Variants in RTN4R observed in about 807,000 individuals in gnomAD.
RTN4R encodes the protein reticulon 4 receptor.
A neutral mutation model predicts 27.7 loss-of-function variants in RTN4R; 4 were observed. The ratio of observed to expected loss-of-function variants is 0.14; its 90% CI spans 0.07 to 0.33. The LOEUF is 0.33. RTN4R is among the 10% of genes least tolerant of loss of function. The pLI is 1.00. For missense variants in RTN4R, 554 were observed against 671.5 expected (o/e 0.83, Z 1.93); for synonymous variants, 290 against 305.6 (o/e 0.95, Z 0.53).
intron 1 of RTN4R, among the ~76,000 whole-genome samples, chr22:20,263,208 G>A (rs2051257724): frequency 6.6e-6 from 1 of 152,238 alleles, no homozygotes; most frequent in Non-Finnish European, 1.5e-5. Context: ...TTGTGTGGCA[G>A]GGTCTACCCA....
At chr22:20,266,222 C>T (rs2051275789) in intron 1 of RTN4R, among the ~76,000 whole-genome samples, 1 of 152,216 alleles carries the variant, frequency 6.6e-6, no homozygotes, top group Non-Finnish European at 1.5e-5. Context: ...TATGTTTCAC[C>T]CTCACACAAC....
At chr22:20,262,163 C>CGA (rs1233630165) in intron 1 of RTN4R, among the ~76,000 whole-genome samples, 1 of 152,048 alleles carries the variant, frequency 6.6e-6, no homozygotes, top group Non-Finnish European at 1.5e-5. Context: ...GGGGATGGGT[C>CGA]GAGGGAAGAG....
In RTN4R at chr22:20,242,060, G is replaced by A. The variant is rs1195676261; in HGVS notation, c.1073C>T (p.Ala358Val). 4.3e-6 allele frequency: 7 copies of A among 1,612,400 alleles called. No individual in the cohort carries two copies. The highest frequency in any genetic ancestry group is 5.9e-6 in the Non-Finnish European group (7 of 1,179,856). The change falls in exon 2 of 2, where the codon GCG becomes GTG. Residue 358 changes from alanine (A) to valine (V), a missense_variant. Around this residue, in one of 2 missense-constraint regions of RTN4R, gnomAD observed 413 missense variants for 542.3 expected, o/e 0.76. Coordinates refer to ENST00000043402, the MANE Select transcript of RTN4R (RefSeq NM_023004.6). Reference sequence around the variant, plus strand: ...ACCGGGCGGCACGCGTCCCTTCAGCGCATTGCCTGCCGAAGCTGGTCTTCC... The same window carrying A: ...ACCGGGCGGCACGCGTCCCTTCAGCACATTGCCTGCCGAAGCTGGTCTTCC... ...EPGRPASAGN[A>V]LKGRVPPGDS... is the part of the protein sequence containing the mutation.
intron 1 of RTN4R, among the ~76,000 whole-genome samples, chr22:20,258,827 A>C (rs1261295626): frequency 6.6e-6 from 1 of 152,078 alleles, no homozygotes; most frequent in Non-Finnish European, 1.5e-5. Context: ...CAGTAGCAGC[A>C]CCTTCAGGTG....
chr22:20,265,020 G>A (rs1453272419), intron 1 of RTN4R, among the ~76,000 whole-genome samples: 1 of 152,198 alleles, frequency 6.6e-6, no homozygotes, highest in Non-Finnish European at 1.5e-5. Context: ...CCTTTCCCAG[G>A]TGCACAGACC....
At chr22:20,245,307 C>G (rs1360532311) in intron 1 of RTN4R, among the ~76,000 whole-genome samples, 1 of 152,250 alleles carries the variant, frequency 6.6e-6, no homozygotes, top group Non-Finnish European at 1.5e-5. Context: ...GGGCTCTCTC[C>G]TCGCTGCAGC....
In RTN4R at chr22:20,255,116, G is replaced by A. The variant is rs2051204774; in HGVS notation, c.23-12006C>T. ...CAGAGGCGACAGTGGCTGCCTCCCA[G>A]GAGGACGCGGGGCAGGGGCAGATTG... is the stretch of plus-strand genomic sequence containing the variant. On this transcript the variant is annotated intron_variant, in intron 1 of 1. Transcript: ENST00000043402. This position sits in a 1 kb window ranked among gnomAD's most constrained non-coding sequence, Gnocchi z 4.8. 6.6e-6 allele frequency among the ~76,000 whole-genome samples: 1 copy of A among 151,148 alleles called. No homozygotes were observed. Among genetic ancestry groups the A allele is most frequent in the Non-Finnish European group, 1.5e-5 (1 of 67,184 alleles).
intron 1 of RTN4R, among the ~76,000 whole-genome samples, chr22:20,256,038 C>T (rs1304341372): frequency 2.6e-5 from 4 of 152,216 alleles, no homozygotes; most frequent in South Asian, 4.1e-4. Flanking sequence ...AAACTGTTGT[C>T]GGCTTCTCAT....
intron 1 of RTN4R, among the ~76,000 whole-genome samples, chr22:20,252,158 CCAT>C (rs1474222610): frequency 6.7e-5 from 10 of 150,102 alleles, no homozygotes; most frequent in African/African-American, 2.0e-4. Context: ...ATCCCTGTCA[CCAT>C]CATCGTCTTC....
intron 1 of RTN4R, among the ~76,000 whole-genome samples, chr22:20,253,950 G>A: frequency 6.6e-6 from 1 of 152,102 alleles, no homozygotes; most frequent in Non-Finnish European, 1.5e-5. Context: ...ACAAATATAG[G>A]TTGAACATCC....
At chr22:20,246,625 G>T (rs2051142754) in intron 1 of RTN4R, among the ~76,000 whole-genome samples, 1 of 152,206 alleles carries the variant, frequency 6.6e-6, no homozygotes, top group African/African-American at 2.4e-5. Context: ...AGCCGAGCAG[G>T]GATGGCCTTC....
intron 1 of RTN4R, among the ~76,000 whole-genome samples, chr22:20,259,887 C>T (rs1398425402): frequency 6.6e-6 from 1 of 152,182 alleles, no homozygotes; most frequent in African/African-American, 2.4e-5. Context: ...CCCTGCCGCC[C>T]AGCATGGGAC....
chr22:20,249,242 C>T (rs1210469033), intron 1 of RTN4R: 1 of 531,344 alleles, frequency 1.9e-6, no homozygotes, highest in African/African-American at 1.9e-5. Flanking sequence ...GGCCGGCCTG[C>T]TCCCACCCTG....
rs772112802 is a variant in RTN4R at position 20,242,102 on chromosome 22, G to A, written c.1031C>T (p.Ala344Val). Residue 344 changes from alanine (A) to valine (V), a missense_variant, in exon 2 of 2, where the codon GCC becomes GTC. Ala to Val is a moderately conservative substitution (Grantham distance 64). Coordinates refer to ENST00000043402, the MANE Select transcript of RTN4R (RefSeq NM_023004.6). The part of the protein sequence containing the change: ...KCCQPDAADK[A>V]SVLEPGRPAS... ...TGGTCTTCCAGGCTCCAGTACTGAG[G>A]CCTTGTCAGCGGCATCTGGCTGGCA... 2 of 1,612,162 alleles carry A rather than the reference G, an allele frequency of 1.2e-6. No homozygotes were observed. Among genetic ancestry groups the A allele is most frequent in the East Asian group, 4.5e-5 (2 of 44,856 alleles).
chr22:20,247,238 G>T (rs1251152582), intron 1 of RTN4R, among the ~76,000 whole-genome samples: 5 of 152,176 alleles, frequency 3.3e-5, no homozygotes, highest in African/African-American at 1.2e-4. Flanking sequence ...CTGTAGCACA[G>T]CCGGGACATC....
chr22:20,254,789 G>A (rs2051202709), intron 1 of RTN4R, among the ~76,000 whole-genome samples: 1 of 152,014 alleles, frequency 6.6e-6, no homozygotes, highest in African/African-American at 2.4e-5. Flanking sequence ...CTTTATCCAG[G>A]GAAAAAAATG....
intron 1 of RTN4R, among the ~76,000 whole-genome samples, chr22:20,248,642 G>A (rs935190083): frequency 3.3e-5 from 5 of 152,144 alleles, no homozygotes; most frequent in African/African-American, 7.2e-5. Context: ...CCGAGGAGCC[G>A]GGTCCCAGGC....
intron 1 of RTN4R, chr22:20,243,554 C>T (rs952824595): frequency 4.2e-5 from 19 of 453,726 alleles, no homozygotes; most frequent in Non-Finnish European, 7.7e-5. Context: ...GGGCTGGGGT[C>T]CCTCTGGGCA....
intron 1 of RTN4R, among the ~76,000 whole-genome samples, chr22:20,264,110 A>C (rs12166774): frequency 0.012 from 1,789 of 152,188 alleles, 35 homozygotes; most frequent in African/African-American, 0.041. Context: ...ACGTGACCAG[A>C]CCCCAGACCT....
Sources: gnomAD v4.1 joint callset for allele counts (sites outside exome capture counted in the v4.1 genomes callset) on GRCh38, gnomAD v4.1.1 for gene constraint, gnomAD v4.1.1 regional missense constraint, Gnocchi (gnomAD v3.1) non-coding constraint, MANE v1.5 for transcripts, NCBI Gene and HGNC (gene_info 2026-07-23, HGNC 2026-07-21) for gene names.